MCUB: variants seen among roughly 807,000 people sequenced by gnomAD.
MCUB encodes the protein mitochondrial calcium uniporter dominant negative subunit beta, also known as calcium uniporter regulatory subunit MCUb, mitochondrial.
A neutral mutation model predicts 41.4 loss-of-function variants in MCUB; 46 were observed. The observed-to-expected ratio is 1.11, with a 90% CI of 0.88 to 1.42. The LOEUF (loss-of-function observed/expected upper bound fraction) is 1.42, where lower values mean the gene tolerates loss of function less well. Ranked by LOEUF, MCUB falls within the 40% of genes most tolerant of loss-of-function variation. The probability of loss-of-function intolerance (pLI) is 0.00; values close to 1 mark genes in which losing one functional copy is unlikely to be tolerated. For synonymous variants in MCUB, 148 were observed against 148.2 expected (o/e 1.00, Z 0.01); for missense variants, 403 against 404.9 (o/e 1.00, Z 0.04).
intron 1 of MCUB, among the ~76,000 whole-genome samples, chr4:109,582,103 C>A (rs1393408102): frequency 3.3e-5 from 5 of 151,358 alleles, no homozygotes; most frequent in East Asian, 1.9e-4. Flanking sequence ...CACTATTCAC[C>A]ATAGCAAAGA....
intron 1 of MCUB, among the ~76,000 whole-genome samples, chr4:109,560,822 C>T (rs1043409573): frequency 1.3e-5 from 2 of 152,136 alleles, no homozygotes; most frequent in Admixed American, 6.5e-5. Context: ...GGGGCCGGTT[C>T]CCTCTTGGTG....
rs796351228 is a variant in MCUB, at chr4:109,564,234, A to G, written c.99+3798A>G. Among the ~76,000 whole-genome samples the G allele has an allele frequency of 1.6e-4, 24 of 150,958 alleles. 1 individual carries two copies. Among genetic ancestry groups the G allele is most frequent in the African/African-American group, 5.8e-4 (24 of 41,108 alleles). On this transcript the variant is annotated intron_variant, in intron 1 of 7. Coordinates refer to ENST00000394650, the MANE Select transcript of MCUB (RefSeq NM_017918.5). ...TGCAACCTCCGCCTCCCGGGTTCAAACGATTCCCCTGCCTCAGCCTCCAAG... is the reference window on the plus strand; with the variant it reads ...TGCAACCTCCGCCTCCCGGGTTCAAGCGATTCCCCTGCCTCAGCCTCCAAG...
chr4:109,673,061 T>A (rs1390947929), intron 4 of MCUB, among the ~76,000 whole-genome samples: 2 of 152,216 alleles, frequency 1.3e-5, no homozygotes, highest in African/African-American at 2.4e-5. Context: ...CTTACAAACT[T>A]GCTTCCATTC....
chr4:109,590,731 G>C (rs901240706), intron 1 of MCUB, among the ~76,000 whole-genome samples: 2 of 152,046 alleles, frequency 1.3e-5, no homozygotes, highest in African/African-American at 4.8e-5. Context: ...TAGAAGATGA[G>C]GATTTAGCTC....
intron 1 of MCUB, among the ~76,000 whole-genome samples, chr4:109,596,649 T>C (rs1203189992): frequency 6.6e-6 from 1 of 151,970 alleles, no homozygotes; most frequent in Non-Finnish European, 1.5e-5. Flanking sequence ...TAGCACTTCC[T>C]CTCTTCCCTT....
chr4:109,564,062 G>T (rs1447590385), intron 1 of MCUB, among the ~76,000 whole-genome samples: 16 of 151,990 alleles, frequency 1.1e-4, no homozygotes, highest in Admixed American at 9.2e-4. Flanking sequence ...GAACCTGTCA[G>T]TTTCTTGATA....
Position 109,603,853 on chromosome 4 carries a change from T to G in MCUB, c.99+43417T>G, listed in dbSNP as rs569421722. On this transcript the variant is annotated intron_variant, in intron 1 of 7. Transcript: ENST00000394650. ...CACCACGTTTGGGAAGTGAGGAGCC[T>G]CTCTGCCCGGCCGCCACCCCGTCTG... is the stretch of plus-strand genomic sequence containing the variant. 1.8e-4 allele frequency among the ~76,000 whole-genome samples: 26 copies of G among 145,086 alleles called. 1 individual carries two copies. The South Asian group carries it at 5.7e-3, about 32-fold the overall frequency.
chr4:109,611,586 T>C (rs890841939), intron 1 of MCUB, among the ~76,000 whole-genome samples: 2 of 152,170 alleles, frequency 1.3e-5, no homozygotes, highest in Non-Finnish European at 2.9e-5. Context: ...AACAAAAAAA[T>C]TGTGACTTAG....
At chr4:109,679,611 G>A (rs547159523) in intron 4 of MCUB, among the ~76,000 whole-genome samples, 2 of 152,344 alleles carry the variant, frequency 1.3e-5, no homozygotes, top group South Asian at 4.1e-4. Context: ...AAGAGAGGGA[G>A]ACTGGGAGAC....
chr4:109,625,130 ACT>A (rs1368117144), intron 1 of MCUB, among the ~76,000 whole-genome samples: 9 of 152,016 alleles, frequency 5.9e-5, no homozygotes, highest in African/African-American at 9.7e-5. Context: ...AAAGAGCAAG[ACT>A]CTGTCTCAAA....
intron 1 of MCUB, among the ~76,000 whole-genome samples, chr4:109,616,994 TTTATG>T (rs1303481211): frequency 1.3e-5 from 2 of 152,186 alleles, no homozygotes; most frequent in Admixed American, 6.6e-5. Flanking sequence ...AATATCTAAT[TTTATG>T]TTATGTTAGT....
intron 1 of MCUB, among the ~76,000 whole-genome samples, chr4:109,646,636 G>A (rs770955312): frequency 6.6e-6 from 1 of 152,160 alleles, no homozygotes; most frequent in Non-Finnish European, 1.5e-5. Context: ...TGGACAATGA[G>A]ATGCTACATA....
chr4:109,645,341 C>T (rs1728810616), intron 1 of MCUB, among the ~76,000 whole-genome samples: 2 of 146,820 alleles, frequency 1.4e-5, no homozygotes, highest in Non-Finnish European at 2.9e-5. Flanking sequence ...CCCTCCATCG[C>T]CACTGCCCTA....
chr4:109,619,434 G>C (rs995050754), intron 1 of MCUB, among the ~76,000 whole-genome samples: 1 of 152,124 alleles, frequency 6.6e-6, no homozygotes, highest in Non-Finnish European at 1.5e-5. Flanking sequence ...AAGGCTGGGC[G>C]TGGTGGCTCA....
At chr4:109,587,682 G>T (rs61006726) in intron 1 of MCUB, among the ~76,000 whole-genome samples, 2,751 of 152,208 alleles carry the variant, frequency 0.018, 86 homozygotes, top group African/African-American at 0.062. Context: ...TTAAAAAAAG[G>T]TTCTAGATTT....
At chr4:109,679,329 T>C (rs1328661789) in intron 4 of MCUB, among the ~76,000 whole-genome samples, 1 of 152,106 alleles carries the variant, frequency 6.6e-6, no homozygotes, top group African/African-American at 2.4e-5. Context: ...TGAGCCGAGA[T>C]CACGCCACTG....
intron 1 of MCUB, among the ~76,000 whole-genome samples, chr4:109,644,490 A>G (rs1481247070): frequency 6.6e-6 from 1 of 152,210 alleles, no homozygotes. Context: ...AAATAGCTCT[A>G]TCACATCTTG....
At chr4:109,612,472 G>T (rs1373659855) in intron 1 of MCUB, among the ~76,000 whole-genome samples, 1 of 151,836 alleles carries the variant, frequency 6.6e-6, no homozygotes. Context: ...CACCATGTTG[G>T]CCAGGCTGGT....
chr4:109,564,587 A>T (rs1490471109), intron 1 of MCUB, among the ~76,000 whole-genome samples: 1 of 152,212 alleles, frequency 6.6e-6, no homozygotes, highest in African/African-American at 2.4e-5. Context: ...AATATTGTGA[A>T]TCCTGGACTG....
Sources: allele counts gnomAD v4.1 joint callset (sites outside exome capture counted in the v4.1 genomes callset), GRCh38; gene constraint gnomAD v4.1.1; transcripts MANE v1.5; gene names NCBI Gene and HGNC (gene_info 2026-07-23, HGNC 2026-07-21).